The following ADARB2 variants were observed in gnomAD, a reference collection of about 807,000 sequenced individuals.
ADARB2 encodes adenosine deaminase RNA specific B2 (inactive).
ADARB2 carries 25 observed loss-of-function variants against 62.2 expected under a neutral mutation model. That is an observed-to-expected ratio of 0.40 (90% CI 0.29 to 0.56). The LOEUF is 0.56. Among genes scored for constraint, ADARB2 ranks in the 20% least tolerant of loss-of-function variants. The pLI is 0.43. For missense variants in ADARB2, 1,071 were observed against 1,077.4 expected, an observed-to-expected ratio of 0.99 and a Z score of 0.08; for synonymous variants, 572 against 500.8, an observed-to-expected ratio of 1.14 and a Z score of -1.90.
At chr10:1,376,998 C>G (rs1832436013) in intron 2 of ADARB2, among the ~76,000 whole-genome samples, 1 of 122,052 alleles carries the variant, frequency 8.2e-6, no homozygotes, top group African/African-American at 3.3e-5. Context: ...TGGTGCGTCC[C>G]TGGGGTGTGT....
intron 1 of ADARB2, among the ~76,000 whole-genome samples, chr10:1,690,332 C>T (rs1564368594): frequency 6.6e-6 from 1 of 152,208 alleles, no homozygotes; most frequent in Non-Finnish European, 1.5e-5. Flanking sequence ...CAACTTATGA[C>T]ATATCTGCTT....
intron 1 of ADARB2, among the ~76,000 whole-genome samples, chr10:1,594,934 C>T (rs1007855888): frequency 6.6e-6 from 1 of 152,166 alleles, no homozygotes; most frequent in African/African-American, 2.4e-5. Context: ...AGCCGCTGAG[C>T]GCCCACTGCC....
At chr10:1,458,775 C>T (rs963003021) in intron 1 of ADARB2, among the ~76,000 whole-genome samples, 2 of 152,158 alleles carry the variant, frequency 1.3e-5, no homozygotes, top group African/African-American at 2.4e-5. Flanking sequence ...CATCCAGCAG[C>T]GAACGTAGTT....
At chr10:1,731,628 G>C (rs1002015831) in intron 1 of ADARB2, among the ~76,000 whole-genome samples, 2 of 152,172 alleles carry the variant, frequency 1.3e-5, no homozygotes, top group Non-Finnish European at 2.9e-5. Flanking sequence ...GTATTAAGCA[G>C]CCTCTGTTTC....
chr10:1,620,906 G>A (rs909334991), intron 1 of ADARB2, among the ~76,000 whole-genome samples: 1 of 152,210 alleles, frequency 6.6e-6, no homozygotes, highest in African/African-American at 2.4e-5. Context: ...GAAAAATCCA[G>A]TACTCATTCA....
At chr10:1,209,354 T>TACACCGTCACCCATGCCC (rs1837112371) in intron 7 of ADARB2, among the ~76,000 whole-genome samples, 1 of 115,768 alleles carries the variant, frequency 8.6e-6, no homozygotes, top group East Asian at 2.8e-4. Context: ...TGCCCATGCC[T>TACACCGTCACCCATGCCC]ACACCGTCAC....
chr10:1,616,499 T>C (rs1388905164), intron 1 of ADARB2, among the ~76,000 whole-genome samples: 1 of 148,288 alleles, frequency 6.7e-6, no homozygotes, highest in African/African-American at 2.5e-5. Context: ...GAGCTCTGCA[T>C]CCTGGGAACT....
chr10:1,293,231 A>AGAGGGACAGAGGGAGGGAAGGG (rs1831491636), intron 3 of ADARB2, among the ~76,000 whole-genome samples: 1 of 101,492 alleles, frequency 9.9e-6, no homozygotes. Flanking sequence ...AGGGACGGGG[A>AGAGGGACAGAGGGAGGGAAGGG]GGGAGAGAGG....
intron 1 of ADARB2, among the ~76,000 whole-genome samples, chr10:1,530,853 T>TCAGCACC (rs1411707824): frequency 2.7e-5 from 4 of 150,838 alleles, no homozygotes; most frequent in Middle Eastern, 6.9e-3. Flanking sequence ...GTCTCAGCAC[T>TCAGCACC]CAGCACTCAG....
In ADARB2 at chr10:1,607,688, C is replaced by G. The variant is rs116761613; in HGVS notation, c.100+129363G>C. Among the ~76,000 whole-genome samples, 699 of 152,262 alleles carry G rather than the reference C, an allele frequency of 4.6e-3. 5 individuals are homozygous for G. Among genetic ancestry groups the G allele is most frequent in the African/African-American group, 0.016 (672 of 41,546 alleles). ...GGAACCCTAGGGACCCTGCCCGCAG[C>G]GACATGCATAGAATCATGACTCCAG... On this transcript the variant is annotated intron_variant, in intron 1 of 9. Transcript: ENST00000381312.
chr10:1,734,006 GTTTT>G (rs5782600), intron 1 of ADARB2, among the ~76,000 whole-genome samples: 4 of 148,838 alleles, frequency 2.7e-5, no homozygotes, highest in African/African-American at 9.9e-5. Flanking sequence ...CCTTCTCATA[GTTTT>G]TTTTTTTTCA....
intron 1 of ADARB2, among the ~76,000 whole-genome samples, chr10:1,613,621 G>T (rs1489888364): frequency 6.6e-6 from 1 of 152,198 alleles, no homozygotes; most frequent in East Asian, 1.9e-4. Flanking sequence ...AGGTTTACAT[G>T]CTGTAATCGT....
intron 5 of ADARB2, chr10:1,240,313 T>G (rs142289019): frequency 1.5e-5 from 2 of 129,510 alleles, no homozygotes; most frequent in Non-Finnish European, 3.2e-5. Flanking sequence ...CCTCCCGGTG[T>G]TTACTCCCCT....
intron 6 of ADARB2, 63 bp downstream of exon 6, chr10:1,233,631 G>C: frequency 6.6e-7 from 1 of 1,517,510 alleles, no homozygotes; most frequent in African/African-American, 1.4e-5. Flanking sequence ...GCCCAGGACA[G>C]AGTCCCAGAT....
chr10:1,222,363 T>G (rs554564525), intron 6 of ADARB2, among the ~76,000 whole-genome samples: 69 of 152,158 alleles, frequency 4.5e-4, no homozygotes, highest in African/African-American at 1.5e-3. Context: ...CATTTTGTAG[T>G]TTGCCTGTTC....
intron 1 of ADARB2, among the ~76,000 whole-genome samples, chr10:1,544,025 A>AG (rs1425191154): frequency 6.7e-6 from 1 of 150,028 alleles, no homozygotes; most frequent in Non-Finnish European, 1.5e-5. Context: ...AAACAAAAAA[A>AG]AAAACACACA....
At chr10:1,708,499 G>C (rs1444755583) in intron 1 of ADARB2, among the ~76,000 whole-genome samples, 1 of 152,130 alleles carries the variant, frequency 6.6e-6, no homozygotes, top group African/African-American at 2.4e-5. Flanking sequence ...TTTCAGCCAG[G>C]GTCTGTGCTG....
intron 1 of ADARB2, among the ~76,000 whole-genome samples, chr10:1,425,283 A>G (rs1356920522): frequency 6.6e-6 from 1 of 152,204 alleles, no homozygotes; most frequent in African/African-American, 2.4e-5. Context: ...CTCCTGCCCT[A>G]TATACCACCT....
chr10:1,416,740 G>A (rs978262114), intron 1 of ADARB2, among the ~76,000 whole-genome samples: 4 of 152,276 alleles, frequency 2.6e-5, no homozygotes, highest in African/African-American at 9.6e-5. Context: ...TCCAGAGAAT[G>A]GGGCCCATGA....
Sources: allele counts gnomAD v4.1 joint callset (sites outside exome capture counted in the v4.1 genomes callset), GRCh38; gene constraint gnomAD v4.1.1; transcripts MANE v1.5; gene names NCBI Gene and HGNC (gene_info 2026-07-23, HGNC 2026-07-21).